The following CCSER1 variants were observed in gnomAD, a reference collection of about 807,000 sequenced individuals.
CCSER1 encodes serine-rich coiled-coil domain-containing protein 1.
Under a neutral mutation model 82.0 loss-of-function variants are expected in CCSER1, and 41 were observed. The observed-to-expected ratio is 0.50, with a 90% CI of 0.39 to 0.65. The LOEUF (loss-of-function observed/expected upper bound fraction) is 0.65, where lower values mean the gene tolerates loss of function less well. CCSER1 is among the 30% of genes least tolerant of loss of function. The pLI, the probability that CCSER1 is intolerant of heterozygous loss-of-function variation, is 0.00. For synonymous variants in CCSER1, 414 were observed against 383.9 expected, an observed-to-expected ratio of 1.08 and a Z score of -0.92; for missense variants, 1,119 against 1,064.2, an observed-to-expected ratio of 1.05 and a Z score of -0.72.
chr4:90,465,389 C>T (rs184322646), intron 4 of CCSER1, among the ~76,000 whole-genome samples: 2 of 149,500 alleles, frequency 1.3e-5, no homozygotes, highest in East Asian at 2.0e-4. Flanking sequence ...GGCCTGATCT[C>T]GGCTCACTGC....
chr4:90,982,579 G>A (rs1445962113), intron 9 of CCSER1, among the ~76,000 whole-genome samples: 1 of 151,730 alleles, frequency 6.6e-6, no homozygotes, highest in East Asian at 1.9e-4. Flanking sequence ...GAGGGCAAAG[G>A]AAAGGCTGCT....
At chr4:90,882,454 T>G (rs1245417926) in intron 8 of CCSER1, among the ~76,000 whole-genome samples, 1 of 152,082 alleles carries the variant, frequency 6.6e-6, no homozygotes, top group Non-Finnish European at 1.5e-5. Context: ...CATTTTTTTC[T>G]GAAACTTTTA....
intron 1 of CCSER1, among the ~76,000 whole-genome samples, chr4:90,184,932 C>T (rs1486234096): frequency 6.6e-6 from 1 of 152,086 alleles, no homozygotes; most frequent in Non-Finnish European, 1.5e-5. Flanking sequence ...AAGAAAGGAA[C>T]AATTCCTGCC....
At chr4:91,028,700 T>G (rs1395632143) in intron 9 of CCSER1, among the ~76,000 whole-genome samples, 1 of 140,234 alleles carries the variant, frequency 7.1e-6, no homozygotes, top group Non-Finnish European at 1.6e-5. Context: ...CCTTGATTAT[T>G]CATGTGTCCA....
chr4:90,225,687 A>G (rs1009693631), intron 1 of CCSER1, among the ~76,000 whole-genome samples: 2 of 152,188 alleles, frequency 1.3e-5, no homozygotes, highest in African/African-American at 2.4e-5. Context: ...TGCTTTTGGT[A>G]TAGATCCTAC....
intron 10 of CCSER1, among the ~76,000 whole-genome samples, chr4:91,321,522 C>A (rs1746192601): frequency 1.3e-5 from 2 of 151,750 alleles, no homozygotes; most frequent in Admixed American, 1.3e-4. Flanking sequence ...AACAGTTTTG[C>A]CTTATTATTT....
chr4:90,381,945 A>T (rs1399597317), intron 3 of CCSER1, among the ~76,000 whole-genome samples: 2 of 152,108 alleles, frequency 1.3e-5, no homozygotes, highest in Non-Finnish European at 2.9e-5. Context: ...GTGGGTTTTT[A>T]GTACTGAACT....
chr4:90,231,144 G>C (rs959556951), intron 1 of CCSER1, among the ~76,000 whole-genome samples: 9 of 151,990 alleles, frequency 5.9e-5, no homozygotes, highest in Middle Eastern at 3.4e-3. Context: ...CATCCTGATA[G>C]CAAAGCCGGG....
intron 8 of CCSER1, among the ~76,000 whole-genome samples, chr4:90,902,694 G>A (rs1724836342): frequency 6.6e-6 from 1 of 152,028 alleles, no homozygotes; most frequent in South Asian, 2.1e-4. Context: ...CTTATTTTAT[G>A]GACTAGCAGT....
intron 6 of CCSER1, among the ~76,000 whole-genome samples, chr4:90,648,863 A>T (rs1728205120): frequency 6.6e-6 from 1 of 152,230 alleles, no homozygotes; most frequent in Non-Finnish European, 1.5e-5. Context: ...AGCCAAGATT[A>T]GATTTTATAT....
chr4:91,001,981 G>A (rs1738079557), intron 9 of CCSER1, among the ~76,000 whole-genome samples: 1 of 152,106 alleles, frequency 6.6e-6, no homozygotes, highest in Non-Finnish European at 1.5e-5. Flanking sequence ...GCATTTGTCT[G>A]AAAAAGATTG....
chr4:90,436,581 C>A (rs1044314053), intron 4 of CCSER1, among the ~76,000 whole-genome samples: 2 of 152,038 alleles, frequency 1.3e-5, no homozygotes, highest in Admixed American at 6.6e-5. Context: ...GAAATTGAGA[C>A]TTAAAGTTAT....
chr4:90,307,639 A>G (rs1734547469), intron 1 of CCSER1, among the ~76,000 whole-genome samples: 2 of 152,012 alleles, frequency 1.3e-5, no homozygotes, highest in African/African-American at 4.8e-5. Flanking sequence ...CTTAGAACTT[A>G]AAGCATAATT....
intron 8 of CCSER1, among the ~76,000 whole-genome samples, chr4:90,821,696 A>G (rs1020460328): frequency 3.9e-5 from 6 of 152,152 alleles, no homozygotes; most frequent in African/African-American, 1.4e-4. Flanking sequence ...AAATATTTGC[A>G]TCATAAGTTT....
Position 91,096,966 on chromosome 4 carries a change from T to G in CCSER1, c.2217+10972T>G, listed in dbSNP as rs114846996. On this transcript the variant is annotated intron_variant, in intron 10 of 10. Transcript: ENST00000509176. Reference sequence around the variant, plus strand: ...AGTGCCGACACAGGCACACCGTGGGTGATCAGGCCACGCTTCCACTTAAAT... The same window carrying G: ...AGTGCCGACACAGGCACACCGTGGGGGATCAGGCCACGCTTCCACTTAAAT... Among the ~76,000 whole-genome samples the G allele has an allele frequency of 1.8e-3, 273 of 152,252 alleles. 1 individual carries two copies. Among genetic ancestry groups the G allele is most frequent in the African/African-American group, 6.4e-3 (265 of 41,548 alleles).
chr4:91,460,705 T>C (rs1756453174), intron 10 of CCSER1, among the ~76,000 whole-genome samples: 1 of 152,162 alleles, frequency 6.6e-6, no homozygotes, highest in African/African-American at 2.4e-5. Context: ...CAGTGTTTAC[T>C]CTTCGAGCAC....
intron 10 of CCSER1, among the ~76,000 whole-genome samples, chr4:91,406,161 C>G (rs1752686735): frequency 6.6e-6 from 1 of 152,110 alleles, no homozygotes; most frequent in Admixed American, 6.6e-5. Flanking sequence ...CATAAGTGTG[C>G]TGTATTCAGG....
chr4:91,428,112 T>C (rs13123650), intron 10 of CCSER1, among the ~76,000 whole-genome samples: 116,116 of 151,882 alleles, frequency 0.76, 44,643 homozygotes, highest in East Asian at 0.88. Flanking sequence ...GTTTATCTTG[T>C]TATAAAAAAT....
chr4:91,120,647 C>T (rs971436870), intron 10 of CCSER1, among the ~76,000 whole-genome samples: 9 of 151,598 alleles, frequency 5.9e-5, no homozygotes, highest in East Asian at 1.9e-4. Context: ...TGTCATGAGG[C>T]GTAAAAATTT....
Sources: gnomAD v4.1 joint callset for allele counts (sites outside exome capture counted in the v4.1 genomes callset) on GRCh38, gnomAD v4.1.1 for gene constraint, MANE v1.5 for transcripts, NCBI Gene and HGNC (gene_info 2026-07-23, HGNC 2026-07-21) for gene names.